DNAJC3: variants seen among roughly 807,000 people sequenced by gnomAD.
DNAJC3 encodes the protein dnaJ homolog subfamily C member 3.
DNAJC3 carries 38 observed loss-of-function variants against 68.6 expected under a neutral mutation model. The ratio of observed to expected loss-of-function variants is 0.55; its 90% CI spans 0.43 to 0.73. DNAJC3 has a LOEUF of 0.73. DNAJC3 is among the 30% of genes least tolerant of loss of function. The pLI is 0.00. For missense variants in DNAJC3, 526 were observed against 591.9 expected, an observed-to-expected ratio of 0.89 and a Z score of 1.16; for synonymous variants, 203 against 204.0, an observed-to-expected ratio of 1.00 and a Z score of 0.04.
chr13:95,750,513 A>AT (rs111462244), intron 4 of DNAJC3, among the ~76,000 whole-genome samples: 3,992 of 144,100 alleles, frequency 0.028, 174 homozygotes, highest in African/African-American at 0.089. Flanking sequence ...TAATTATTCA[A>AT]TTTTTTTTTT....
intron 1 of DNAJC3, among the ~76,000 whole-genome samples, chr13:95,685,000 A>AG (rs1196068176): frequency 6.6e-6 from 1 of 152,256 alleles, no homozygotes; most frequent in Admixed American, 6.5e-5. Context: ...GGCAGTGCAG[A>AG]GGGGAAATGT....
At chr13:95,704,851 G>GTTTTTTTTTTTGTTTTTTTTTTT (rs1880681685) in intron 1 of DNAJC3, among the ~76,000 whole-genome samples, 1 of 97,860 alleles carries the variant, frequency 1.0e-5, no homozygotes, top group African/African-American at 6.0e-5. Flanking sequence ...GTGTGTGTGT[G>GTTTTTTTTTTTGTTTTTTTTTTT]TTTTTTTTTT....
At chr13:95,750,365 T>C (rs1339461481) in intron 4 of DNAJC3, among the ~76,000 whole-genome samples, 1 of 151,978 alleles carries the variant, frequency 6.6e-6, no homozygotes, top group African/African-American at 2.4e-5. Flanking sequence ...AGGTTTAGCT[T>C]AGAGTAGTGC....
chr13:95,741,771 C>T (rs1882151990), intron 4 of DNAJC3, among the ~76,000 whole-genome samples: 1 of 152,148 alleles, frequency 6.6e-6, no homozygotes, highest in African/African-American at 2.4e-5. Flanking sequence ...ACTGTGGTGG[C>T]ATGGCAAGCT....
intron 7 of DNAJC3, among the ~76,000 whole-genome samples, chr13:95,762,887 C>A (rs977356708): frequency 1.3e-5 from 2 of 151,926 alleles, no homozygotes; most frequent in Non-Finnish European, 2.9e-5. Context: ...TCTGTTCCTG[C>A]GTTAGTTTGC....
rs1335390630 is a variant in DNAJC3, at chr13:95,706,763, A to G, written c.83-2464A>G. 3.3e-5 allele frequency among the ~76,000 whole-genome samples: 5 copies of G among 152,248 alleles called. No individual in the cohort carries two copies. The East Asian group carries it at 9.6e-4, about 29-fold the overall frequency. The stretch of plus-strand genomic sequence containing the variant: ...CATTTGGGTCCAAATAAATATTCCC[A>G]TTCCAAATTTAAGGATTCCATTCTT... On this transcript the variant is annotated intron_variant, in intron 1 of 11. Transcript: ENST00000602402.
intron 1 of DNAJC3, among the ~76,000 whole-genome samples, chr13:95,701,967 A>G (rs895096304): frequency 2.3e-4 from 35 of 152,188 alleles, no homozygotes; most frequent in Admixed American, 6.5e-4. Flanking sequence ...TCTACCACTA[A>G]TATTTTAATA....
chr13:95,786,136 GCT>G, intron 10 of DNAJC3, 65 bp downstream of exon 10: 1 of 1,440,650 alleles, frequency 6.9e-7, no homozygotes, highest in East Asian at 2.5e-5. Context: ...GCTAATCATT[GCT>G]CTTTTTCCTC....
At chr13:95,723,127 C>T in intron 2 of DNAJC3, 115 bp from the exon 3 acceptor site, 1 of 950,084 alleles carries the variant, frequency 1.1e-6, no homozygotes, top group Non-Finnish European at 1.5e-6. Flanking sequence ...AGATTCTTTT[C>T]TTAATGTCCA....
Position 95,794,703 on chromosome 13 carries a change from G to A in DNAJC3, c.*3673G>A, listed in dbSNP as rs1314317473. Reference sequence around the variant, plus strand: ...CTGCGTGGCTTTGTGTATAGTAACCGGTTTTGTTGCACTTGTCTGTGGCTG... The same window carrying A: ...CTGCGTGGCTTTGTGTATAGTAACCAGTTTTGTTGCACTTGTCTGTGGCTG... On this transcript the variant is annotated 3_prime_UTR_variant, in exon 12 of 12. Transcript: ENST00000602402. The A allele has an allele frequency of 6.6e-6, 1 of 152,262 alleles. No individual in the cohort carries two copies. Among genetic ancestry groups the A allele is most frequent in the Non-Finnish European group, 1.5e-5 (1 of 68,010 alleles). 9.4% of individuals were successfully genotyped at this position (152,262 alleles called of 1,614,324 possible).
intron 1 of DNAJC3, among the ~76,000 whole-genome samples, chr13:95,685,367 C>T (rs1216547105): frequency 3.9e-5 from 6 of 152,138 alleles, no homozygotes; most frequent in African/African-American, 1.4e-4. Flanking sequence ...GCCGGTTTTA[C>T]CCTTTTGGAA....
chr13:95,722,938 CCA>C (rs1484240236), intron 2 of DNAJC3, among the ~76,000 whole-genome samples: 4 of 150,606 alleles, frequency 2.7e-5, no homozygotes, highest in South Asian at 2.1e-4. Context: ...GGCTTTGCGG[CCA>C]CAGTCTTATG....
At chr13:95,681,547 G>T (rs920583860) in intron 1 of DNAJC3, among the ~76,000 whole-genome samples, 1 of 151,982 alleles carries the variant, frequency 6.6e-6, no homozygotes, top group African/African-American at 2.4e-5. Context: ...TAGGGACAGG[G>T]TCTTCTATGT....
chr13:95,702,969 G>A (rs1880623133), intron 1 of DNAJC3, among the ~76,000 whole-genome samples: 1 of 152,208 alleles, frequency 6.6e-6, no homozygotes, highest in Non-Finnish European at 1.5e-5. Flanking sequence ...GTTAACTTCA[G>A]TAATTTGTGT....
intron 9 of DNAJC3, among the ~76,000 whole-genome samples, chr13:95,765,921 TAAAG>T (rs1448077074): frequency 6.6e-6 from 1 of 151,920 alleles, no homozygotes; most frequent in African/African-American, 2.4e-5. Context: ...AGGAATTTAT[TAAAG>T]AGAGAGAGAG....
chr13:95,761,045 A>C (rs571832604), intron 7 of DNAJC3, among the ~76,000 whole-genome samples: 2 of 152,246 alleles, frequency 1.3e-5, no homozygotes, highest in Non-Finnish European at 2.9e-5. Flanking sequence ...ATTATCTCCT[A>C]TATCAGGCTG....
At chr13:95,739,616 T>C (rs890037754) in intron 4 of DNAJC3, among the ~76,000 whole-genome samples, 6 of 152,242 alleles carry the variant, frequency 3.9e-5, no homozygotes, top group African/African-American at 1.2e-4. Flanking sequence ...TTGATCGTAT[T>C]GGCTCCTGAG....
Position 95,793,020 on chromosome 13 carries a change from T to TG in DNAJC3, c.*1992dup. 1 of 152,352 alleles carries TG rather than the reference T, an allele frequency of 6.6e-6. No homozygotes were observed. Among genetic ancestry groups the TG allele is most frequent in the Non-Finnish European group, 1.5e-5 (1 of 68,040 alleles). The allele number at this position is 152,352 out of a possible 1,614,324, so 9.4% of individuals were successfully genotyped here. ...GCCGCACAGGAGATGTGTGGGGGCC[T>TG]GGCCACCTCCCACCTGCTGCCCAGA... On this transcript the variant is annotated 3_prime_UTR_variant, in exon 12 of 12. Transcript: ENST00000602402.
At chr13:95,733,922 T>C (rs888818578) in intron 4 of DNAJC3, among the ~76,000 whole-genome samples, 2 of 152,172 alleles carry the variant, frequency 1.3e-5, no homozygotes, top group Non-Finnish European at 2.9e-5. Context: ...GTCAGTCCTT[T>C]AAGGGGAAAA....
Sources: gnomAD v4.1 joint callset for allele counts (sites outside exome capture counted in the v4.1 genomes callset) on GRCh38, gnomAD v4.1.1 for gene constraint, MANE v1.5 for transcripts, NCBI Gene and HGNC (gene_info 2026-07-23, HGNC 2026-07-21) for gene names.